The following GDPD4 variants were observed in gnomAD, a reference collection of about 807,000 sequenced individuals.
GDPD4 encodes glycerophosphodiester phosphodiesterase 6.
A neutral mutation model predicts 67.8 loss-of-function variants in GDPD4; 60 were observed. The ratio of observed to expected loss-of-function variants is 0.88; its 90% confidence interval spans 0.72 to 1.10. The LOEUF (loss-of-function observed/expected upper bound fraction) is 1.10, where lower values mean the gene tolerates loss of function less well. GDPD4 is among the 50% of genes least tolerant of loss of function. The probability of loss-of-function intolerance (pLI) is 0.00; values close to 1 mark genes in which losing one functional copy is unlikely to be tolerated. For missense variants in GDPD4, 623 were observed against 613.9 expected, an observed-to-expected ratio of 1.01 and a Z score of -0.16; for synonymous variants, 212 against 210.9, an observed-to-expected ratio of 1.00 and a Z score of -0.04.
intron 11 of GDPD4, among the ~76,000 whole-genome samples, chr11:77,250,527 C>A (rs1392332448): frequency 6.6e-6 from 1 of 152,120 alleles, no homozygotes; most frequent in East Asian, 1.9e-4. Flanking sequence ...AGAAAAGATA[C>A]TTAATATGAT....
chr11:77,271,539 T>C, intron 5 of GDPD4, 146 bp from the exon 6 acceptor site: 1 of 615,930 alleles, frequency 1.6e-6, no homozygotes, highest in Non-Finnish European at 2.9e-6. Flanking sequence ...AGAAAGATCT[T>C]GTTTTTCCTG....
chr11:77,233,226 T>A, intron 13 of GDPD4, 54 bp from the exon 14 acceptor site: 1 of 1,561,934 alleles, frequency 6.4e-7, no homozygotes, highest in Non-Finnish European at 8.8e-7. Flanking sequence ...ATTCTCATCA[T>A]CTAAAAGGAG....
chr11:77,253,369 C>T (rs1266292808), intron 11 of GDPD4, among the ~76,000 whole-genome samples: 1 of 152,136 alleles, frequency 6.6e-6, no homozygotes, highest in Non-Finnish European at 1.5e-5. Flanking sequence ...TCAGCAGTAT[C>T]TCAGACTCTG....
At chr11:77,284,966 C>T in intron 3 of GDPD4, 119 bp downstream of exon 3, 3 of 742,308 alleles carry the variant, frequency 4.0e-6, no homozygotes, top group Non-Finnish European at 7.0e-6. Context: ...CTGTGGAAAG[C>T]CCAGTTTTGT....
At chr11:77,282,077 TATG>T (rs1209742174) in intron 3 of GDPD4, among the ~76,000 whole-genome samples, 3 of 152,156 alleles carry the variant, frequency 2.0e-5, no homozygotes, top group Non-Finnish European at 4.4e-5. Context: ...GATTAAAATA[TATG>T]ATGAGAATGG....
intron 13 of GDPD4, among the ~76,000 whole-genome samples, chr11:77,237,785 T>A (rs761275471): frequency 5.3e-4 from 80 of 152,194 alleles, no homozygotes; most frequent in Non-Finnish European, 1.1e-3. Flanking sequence ...ACATAATTTG[T>A]GGGAGAAAAT....
intron 11 of GDPD4, among the ~76,000 whole-genome samples, chr11:77,254,542 TTGAG>T (rs1385020420): frequency 6.6e-6 from 1 of 152,222 alleles, no homozygotes; most frequent in Non-Finnish European, 1.5e-5. Context: ...CATTTCTCCT[TTGAG>T]TGGGTTCTGT....
At chr11:77,294,565 T>C (rs1205451067) in intron 1 of GDPD4, among the ~76,000 whole-genome samples, 1 of 152,132 alleles carries the variant, frequency 6.6e-6, no homozygotes, top group African/African-American at 2.4e-5. Context: ...ATAATCTCAA[T>C]TCTCCCCAAA....
chr11:77,244,201 T>A (rs1472927672), intron 12 of GDPD4, among the ~76,000 whole-genome samples: 3 of 152,014 alleles, frequency 2.0e-5, no homozygotes, highest in Non-Finnish European at 4.4e-5. Flanking sequence ...ATTTTTATTG[T>A]ATTTTGTATT....
chr11:77,274,077 G>A (rs1384313242), intron 5 of GDPD4, among the ~76,000 whole-genome samples: 2 of 152,158 alleles, frequency 1.3e-5, no homozygotes, highest in African/African-American at 2.4e-5. Flanking sequence ...ACACTAACCT[G>A]GAATGGTAAT....
intron 11 of GDPD4, among the ~76,000 whole-genome samples, chr11:77,248,552 C>A (rs1339807278): frequency 6.6e-6 from 1 of 151,940 alleles, no homozygotes; most frequent in Admixed American, 6.6e-5. Flanking sequence ...CCATTAATTG[C>A]ATTACTATAA....
At chr11:77,222,012 T>G (rs1308679753) in intron 16 of GDPD4, among the ~76,000 whole-genome samples, 1 of 152,204 alleles carries the variant, frequency 6.6e-6, no homozygotes, top group African/African-American at 2.4e-5. Context: ...TCTTTGTTGG[T>G]TTAAAGTCTG....
chr11:77,252,046 G>GTTTTT (rs1565523153), intron 11 of GDPD4, among the ~76,000 whole-genome samples: 1 of 68,702 alleles, frequency 1.5e-5, no homozygotes, highest in African/African-American at 5.6e-5. Context: ...GGGTTTTTTT[G>GTTTTT]TTTGTTTGTT....
At chr11:77,253,805 C>G (rs1958951657) in intron 11 of GDPD4, among the ~76,000 whole-genome samples, 2 of 152,102 alleles carry the variant, frequency 1.3e-5, no homozygotes, top group Admixed American at 1.3e-4. Context: ...CTCAGGACCC[C>G]AGTGGCAGGG....
chr11:77,246,703 C>T (rs542568500), intron 11 of GDPD4, among the ~76,000 whole-genome samples: 5 of 152,194 alleles, frequency 3.3e-5, no homozygotes, highest in African/African-American at 1.2e-4. Context: ...ATGTCTGGTA[C>T]ATAGATAGAA....
At chr11:77,271,778 T>A (rs1358941666) in intron 5 of GDPD4, among the ~76,000 whole-genome samples, 1 of 152,248 alleles carries the variant, frequency 6.6e-6, no homozygotes, top group African/African-American at 2.4e-5. Flanking sequence ...AATACAATTA[T>A]AAGTAAATAA....
chr11:77,301,598 T>C lies in GDPD4; in HGVS notation c.-254+7A>G, dbSNP rs1336792373. 6.6e-6 allele frequency: 1 copy of C among 152,170 alleles called. No homozygotes were observed. Among genetic ancestry groups the C allele is most frequent in the Non-Finnish European group, 1.5e-5 (1 of 68,052 alleles). The allele number at this position is 152,170 out of a possible 1,614,324, so 9.4% of individuals were successfully genotyped here. A position where few individuals can be genotyped will look rare whatever the true frequency, so the allele number is the denominator to read the frequency against. On this transcript the variant is annotated splice_region_variant and intron_variant, in intron 1 of 16. Coordinates refer to ENST00000315938, the MANE Select transcript of GDPD4 (RefSeq NM_182833.3). ...GAGGAAGCACGGAACTGGGCACATT[T>C]ACTTACCGAGACTTCCCAGTCCCAA...
intron 13 of GDPD4, among the ~76,000 whole-genome samples, chr11:77,233,535 C>T (rs1453130072): frequency 2.6e-5 from 4 of 151,396 alleles, no homozygotes. Context: ...AACACTCCTA[C>T]CATAGCCAAC....
chr11:77,216,951 C>T lies in GDPD4; in HGVS notation c.*326G>A, dbSNP rs1248305969. 1.4e-6 allele frequency: 1 copy of T among 702,682 alleles called. No individual in the cohort carries two copies. The highest frequency in any genetic ancestry group is 2.6e-6 in the Non-Finnish European group (1 of 384,948). 43.5% of individuals were successfully genotyped at this position (702,682 alleles called of 1,614,324 possible). On this transcript the variant is annotated 3_prime_UTR_variant, in exon 17 of 17. Coordinates refer to ENST00000315938, the MANE Select transcript of GDPD4 (RefSeq NM_182833.3). ...AGGTCTCTTATTTAAGGATAGGGGA[C>T]CTCTATGGAGGGCATGGTTGGCTTA...
Sources: gnomAD v4.1 joint callset for allele counts (sites outside exome capture counted in the v4.1 genomes callset) on GRCh38, gnomAD v4.1.1 for gene constraint, MANE v1.5 for transcripts, NCBI Gene and HGNC (gene_info 2026-07-23, HGNC 2026-07-21) for gene names.